NDUFAF6: variants seen among roughly 807,000 people sequenced by gnomAD.
NDUFAF6 encodes the protein NADH:ubiquinone oxidoreductase complex assembly factor 6, also known as NADH dehydrogenase (ubiquinone) complex I, assembly factor 6.
A neutral mutation model predicts 40.8 loss-of-function variants in NDUFAF6; 45 were observed. The observed-to-expected ratio is 1.10, with a 90% CI of 0.87 to 1.42. NDUFAF6 has a LOEUF of 1.42. Among genes scored for constraint, NDUFAF6 ranks in the 40% most tolerant of loss-of-function variants. NDUFAF6 has a pLI of 0.00. For synonymous variants in NDUFAF6, 185 were observed against 155.9 expected, an observed-to-expected ratio of 1.19 and a Z score of -1.39; for missense variants, 435 against 418.5, an observed-to-expected ratio of 1.04 and a Z score of -0.34.
chr8:94,962,641 C>T (rs1410816740), intron 1 of NDUFAF6, among the ~76,000 whole-genome samples: 4 of 148,226 alleles, frequency 2.7e-5, no homozygotes, highest in African/African-American at 1.0e-4. Context: ...GAGACAATGT[C>T]TCACTCTGTT....
downstream of NDUFAF6, among the ~76,000 whole-genome samples, chr8:95,106,687 G>T (rs1051245240): frequency 3.3e-5 from 5 of 152,172 alleles, no homozygotes; most frequent in African/African-American, 1.2e-4. Flanking sequence ...CCATCAGAGT[G>T]AACAGGCAAC....
chr8:94,953,496 G>A (rs1410407091), upstream of NDUFAF6, among the ~76,000 whole-genome samples: 3 of 152,242 alleles, frequency 2.0e-5, no homozygotes, highest in African/African-American at 7.2e-5. Flanking sequence ...ACTGTGTGGG[G>A]CAGATGTGAC....
At chr8:94,931,587 TACAC>T (rs557721378) in intron 1 of NDUFAF6, among the ~76,000 whole-genome samples, 54 of 68,630 alleles carry the variant, frequency 7.9e-4, no homozygotes, top group African/African-American at 1.8e-3. Context: ...ACATATTTAT[TACAC>T]ACACACACAC....
chr8:95,086,253 G>GT (rs1809039507), intron 2 of NDUFAF6, among the ~76,000 whole-genome samples: 1 of 152,208 alleles, frequency 6.6e-6, no homozygotes, highest in Admixed American at 6.5e-5. Flanking sequence ...TAATCGGGCT[G>GT]TGAGGATAGC....
At chr8:95,095,555 C>T (rs1040125276), upstream of NDUFAF6, among the ~76,000 whole-genome samples, 1 of 152,110 alleles carries the variant, frequency 6.6e-6, no homozygotes, top group Non-Finnish European at 1.5e-5. Context: ...CTGTTAAATT[C>T]CCTGGGGCTG....
chr8:94,932,769 C>G (rs1279011176), intron 1 of NDUFAF6, among the ~76,000 whole-genome samples: 1 of 152,004 alleles, frequency 6.6e-6, no homozygotes. Flanking sequence ...CGCCACTGCA[C>G]TCCAGCCTGG....
chr8:95,093,491 T>A (rs1341960357), intron 2 of NDUFAF6, among the ~76,000 whole-genome samples: 1 of 152,222 alleles, frequency 6.6e-6, no homozygotes, highest in Non-Finnish European at 1.5e-5. Flanking sequence ...CTGGACACCA[T>A]AACTCATACC....
chr8:94,974,380 G>A (rs1047963307), intron 1 of NDUFAF6, among the ~76,000 whole-genome samples: 1 of 152,110 alleles, frequency 6.6e-6, no homozygotes, highest in Non-Finnish European at 1.5e-5. Flanking sequence ...CTACTTTCCT[G>A]ATTCAAAGAA....
At chr8:94,991,443 A>C (rs1271669378) in intron 2 of NDUFAF6, among the ~76,000 whole-genome samples, 1 of 152,150 alleles carries the variant, frequency 6.6e-6, no homozygotes, top group African/African-American at 2.4e-5. Context: ...CAGCTGTCTA[A>C]ATTGGTAAAC....
chr8:94,981,682 C>T (rs1014273680), intron 2 of NDUFAF6, among the ~76,000 whole-genome samples: 25 of 152,092 alleles, frequency 1.6e-4, no homozygotes, highest in African/African-American at 4.1e-4. Context: ...ACTATGCTTA[C>T]GGCAATTTGC....
At chr8:94,948,486 G>A (rs935797922) in intron 2 of NDUFAF6, among the ~76,000 whole-genome samples, 5 of 152,220 alleles carry the variant, frequency 3.3e-5, no homozygotes, top group African/African-American at 9.6e-5. Context: ...GTCAGGTAGC[G>A]AAGACTGAGT....
chr8:94,976,320 G>A (rs1159057524), intron 1 of NDUFAF6, among the ~76,000 whole-genome samples: 2 of 151,786 alleles, frequency 1.3e-5, no homozygotes, highest in African/African-American at 2.4e-5. Context: ...CCTAGCCAAC[G>A]TGGTGAAACC....
chr8:94,915,743 C>T (rs1819087377), intron 1 of NDUFAF6, among the ~76,000 whole-genome samples: 1 of 152,152 alleles, frequency 6.6e-6, no homozygotes, highest in Non-Finnish European at 1.5e-5. Context: ...ATTTTCAGGG[C>T]TTACAATTCA....
chr8:95,106,385 G>C (rs890721480), downstream of NDUFAF6, among the ~76,000 whole-genome samples: 1 of 152,088 alleles, frequency 6.6e-6, no homozygotes, highest in African/African-American at 2.4e-5. Context: ...AATGGGGAAA[G>C]GATTCCTATT....
intron 3 of NDUFAF6, chr8:95,036,220 G>A (rs1829486055): frequency 8.8e-7 from 1 of 1,132,472 alleles, no homozygotes; most frequent in African/African-American, 1.6e-5. Flanking sequence ...GCCACACATG[G>A]CTTAGAAATA....
intron 3 of NDUFAF6, among the ~76,000 whole-genome samples, chr8:95,039,257 A>T (rs1333967023): frequency 6.6e-6 from 1 of 151,702 alleles, no homozygotes; most frequent in African/African-American, 2.4e-5. Context: ...GATTGAGACC[A>T]TCCAAGCCAA....
At chr8:94,941,272 A>G (rs1821504727) in intron 1 of NDUFAF6, among the ~76,000 whole-genome samples, 2 of 152,204 alleles carry the variant, frequency 1.3e-5, no homozygotes, top group South Asian at 4.1e-4. Flanking sequence ...AAATACTCTT[A>G]CTCAAATTCA....
upstream of NDUFAF6, among the ~76,000 whole-genome samples, chr8:95,021,074 C>T (rs966683059): frequency 6.6e-6 from 1 of 152,216 alleles, no homozygotes; most frequent in African/African-American, 2.4e-5. Context: ...TCTTGAATCA[C>T]ACCATTTTTG....
At chr8:94,954,569 A>G (rs1822912105), upstream of NDUFAF6, among the ~76,000 whole-genome samples, 1 of 152,172 alleles carries the variant, frequency 6.6e-6, no homozygotes, top group South Asian at 2.1e-4. Context: ...TAGTGTGGTC[A>G]GGAGGGCCTC....
Sources: gnomAD v4.1 joint callset for allele counts (sites outside exome capture counted in the v4.1 genomes callset) on GRCh38, gnomAD v4.1.1 for gene constraint, MANE v1.5 for transcripts, NCBI Gene and HGNC (gene_info 2026-07-23, HGNC 2026-07-21) for gene names.